The following PKDREJ variants were observed in gnomAD, a reference collection of about 807,000 sequenced individuals.
The protein encoded by PKDREJ is polycystin family receptor for egg jelly, also known as PKD and REJ homolog.
For missense variants in PKDREJ, 2,507 were observed against 2,807.2 expected, an observed-to-expected ratio of 0.89 and a Z score of 2.42; for synonymous variants, 1,031 against 1,095.5, an observed-to-expected ratio of 0.94 and a Z score of 1.16.
chr22:46,259,023 C>T lies in PKDREJ; in HGVS notation c.4300G>A (p.Val1434Ile), dbSNP rs1057355240. ...AATTGCACAGGGATTGTAATTAAGA[C>T]ACTTTCAATTCCTATCATCATTGAT... Reference protein sequence around the residue: ...MRSMMIGIESVLITIPVQLLI... With the variant: ...MRSMMIGIESILITIPVQLLI... The change falls in exon 1 of 1, where the codon GTC becomes ATC. Residue 1434 changes from valine (V) to isoleucine (I), a missense_variant. Physicochemically the swap from Val to Ile is conservative, Grantham distance 29. Transcript: ENST00000253255. This position sits in a 1 kb window ranked among gnomAD's most constrained non-coding sequence, Gnocchi z 6.8. The T allele has an allele frequency of 1.2e-6, 2 of 1,613,978 alleles. No individual in the cohort carries two copies. Among genetic ancestry groups the T allele is most frequent in the Non-Finnish European group, 1.7e-6 (2 of 1,179,916 alleles).
At position 46,259,164 on chromosome 22, in the gene PKDREJ, G is replaced by A; in HGVS notation, c.4159C>T (p.Leu1387Phe). ...GCTAAACAACAGGACAATCTCTGGA[G>A]CCTATTGAATGTTTTAGCAACAACA... is the stretch of plus-strand genomic sequence containing the variant. The part of the protein sequence containing the change: ...ASVVAKTFNR[L>F]QRLSCCLAML... The change falls in exon 1 of 1, where the codon CTC becomes TTC. Residue 1387 changes from leucine (L) to phenylalanine (F), a missense_variant. By Grantham distance (22) the Leu-to-Phe change is conservative. Transcript: ENST00000253255. This position sits in a 1 kb window ranked among gnomAD's most constrained non-coding sequence, Gnocchi z 6.8. The A allele has an allele frequency of 6.2e-7, 1 of 1,613,992 alleles. No homozygotes were observed. The highest frequency in any genetic ancestry group is 8.5e-7 in the Non-Finnish European group (1 of 1,179,920).
In PKDREJ at chr22:46,256,441, G is replaced by A. The variant is rs751950759; in HGVS notation, c.*120C>T. Reference sequence around the variant, plus strand: ...GGATTCTTCCAAATGTAGGGGATGTGCCTTGTGAAGGACATGAGTAGAAAG... The same window carrying A: ...GGATTCTTCCAAATGTAGGGGATGTACCTTGTGAAGGACATGAGTAGAAAG... On this transcript the variant is annotated 3_prime_UTR_variant, in exon 1 of 1. Coordinates refer to ENST00000253255, the MANE Select transcript of PKDREJ (RefSeq NM_006071.2). The surrounding 1 kb of genome is among the most constrained non-coding windows in gnomAD (Gnocchi z 5.3). 9 of 1,479,556 alleles carry A rather than the reference G, an allele frequency of 6.1e-6. No individual in the cohort carries two copies. The East Asian group carries it at 1.8e-4, about 30-fold the overall frequency. The allele number at this position is 1,479,556 out of a possible 1,614,324, so 91.7% of individuals were successfully genotyped here.
chr22:46,260,960 A>G lies in PKDREJ; in HGVS notation c.2363T>C (p.Leu788Pro). ...TMRVWQANQA[L>P]QEYQQKDKRF... ...TTTATCTTTTTGCTGATACTCTTGT[A>G]GGGCTTGATTTGCTTGCCATACCCT... The change falls in exon 1 of 1, where the codon CTA becomes CCA. Residue 788 changes from leucine (L) to proline (P), a missense_variant. By Grantham distance (98) the Leu-to-Pro change is moderately conservative. Transcript: ENST00000253255. The surrounding 1 kb of genome is among the most constrained non-coding windows in gnomAD (Gnocchi z 4.5). The G allele has an allele frequency of 6.2e-7, 1 of 1,614,206 alleles. No individual in the cohort carries two copies.
Position 46,258,837 on chromosome 22 carries a change from C to T in PKDREJ, c.4486G>A (p.Glu1496Lys). Reference protein sequence around the residue: ...AYETAKVHPREVAKPASKGKP... With the variant: ...AYETAKVHPRKVAKPASKGKP... ...CCTTTAGATGCAGGTTTTGCAACCT[C>T]CCTGGGGTGCACCTTAGCAGTTTCG... The change falls in exon 1 of 1, where the codon GAG (glutamate) becomes AAG (lysine). Residue 1496 changes from glutamate to lysine, a missense_variant. Coordinates refer to ENST00000253255, the MANE Select transcript of PKDREJ (RefSeq NM_006071.2). The surrounding 1 kb of genome is among the most constrained non-coding windows in gnomAD (Gnocchi z 6.1). 6.2e-7 allele frequency: 1 copy of T among 1,614,126 alleles called. No individual in the cohort carries two copies. The highest frequency in any genetic ancestry group is 8.5e-7 in the Non-Finnish European group (1 of 1,179,986).
Position 46,259,928 on chromosome 22 carries a change from C to A in PKDREJ, c.3395G>T (p.Cys1132Phe), listed in dbSNP as rs1466936298. ...GEKTSWYEVH[C>F]ICKNVVRARR... Reference sequence around the variant, plus strand: ...AGCCCTTACTACATTCTTGCAGATGCAGTGCACCTCATACCAGCTGGTCTT... The same window carrying A: ...AGCCCTTACTACATTCTTGCAGATGAAGTGCACCTCATACCAGCTGGTCTT... The change falls in exon 1 of 1, where the codon TGC becomes TTC. Residue 1132 changes from cysteine (C) to phenylalanine (F), a missense_variant. Cys to Phe is a radical substitution (Grantham distance 205). Transcript: ENST00000253255. This position sits in a 1 kb window ranked among gnomAD's most constrained non-coding sequence, Gnocchi z 6.8. 1.2e-6 allele frequency: 2 copies of A among 1,613,968 alleles called. No homozygotes were observed. The highest frequency in any genetic ancestry group is 1.7e-5 in the Admixed American group (1 of 60,014).
Position 46,259,728 on chromosome 22 carries a change from C to CCA in PKDREJ, c.3593_3594dup (p.Gly1199TrpfsTer3). 5 of 1,614,068 alleles carry CCA rather than the reference C, an allele frequency of 3.1e-6. No individual in the cohort carries two copies. Among genetic ancestry groups the CCA allele is most frequent in the Non-Finnish European group, 4.2e-6 (5 of 1,180,030 alleles). On this transcript the variant is annotated frameshift_variant, in exon 1 of 1. Coordinates refer to ENST00000253255, the MANE Select transcript of PKDREJ (RefSeq NM_006071.2). LOFTEE classifies it low-confidence loss of function (END_TRUNC). This position sits in a 1 kb window ranked among gnomAD's most constrained non-coding sequence, Gnocchi z 6.8. ...CTGTATAAAGCCCAAAAAGCTAGGC[C>CCA]CACGTATAAGAGAATAATGAAAAGC...
Position 46,256,852 on chromosome 22 carries a change from C to A in PKDREJ, c.6471G>T (p.Leu2157=). Residue 2157 remains leucine (L), a synonymous_variant, in exon 1 of 1, where the codon CTG becomes CTT. Transcript: ENST00000253255. This position sits in a 1 kb window ranked among gnomAD's most constrained non-coding sequence, Gnocchi z 5.3. ...AGTTGATCAAGACGCAGATCATCAC[C>A]AGCATGAAAGATGAGAGGAACAGGA... ...LGVLFLSSFM[L]VMICVLINLF... 1 of 1,614,014 alleles carries A rather than the reference C, an allele frequency of 6.2e-7. No homozygotes were observed. The highest frequency in any genetic ancestry group is 2.2e-5 in the East Asian group (1 of 44,892).
At position 46,262,970 on chromosome 22, in the gene PKDREJ, GA is replaced by G; in HGVS notation, c.352del (p.Ser118ProfsTer9). 1 of 1,167,816 alleles carries G rather than the reference GA, an allele frequency of 8.6e-7. No homozygotes were observed. Among genetic ancestry groups the G allele is most frequent in the Non-Finnish European group, 1.1e-6 (1 of 950,034 alleles). 72.3% of individuals were successfully genotyped at this position (1,167,816 alleles called of 1,614,324 possible). A position where few individuals can be genotyped will look rare whatever the true frequency, so the allele number is the denominator to read the frequency against. On this transcript the variant is annotated frameshift_variant, in exon 1 of 1. Transcript: ENST00000253255. LOFTEE classifies it low-confidence loss of function (END_TRUNC). This position sits in a 1 kb window ranked among gnomAD's most constrained non-coding sequence, Gnocchi z 8.1. ...PALALVDLQL[S>X]ARGGRLSLTW... ...CAGGGAGAGGCGGCCGCCGCGCGCGGAGAGCTGCAGGTCGACGAGCGCGAGC... is the reference window on the plus strand; with the variant it reads ...CAGGGAGAGGCGGCCGCCGCGCGCGGGAGCTGCAGGTCGACGAGCGCGAGC...
Position 46,262,688 on chromosome 22 carries a change from A to G in PKDREJ, c.635T>C (p.Ile212Thr). The G allele has an allele frequency of 6.2e-7, 1 of 1,613,124 alleles. No individual in the cohort carries two copies. Among genetic ancestry groups the G allele is most frequent in the Non-Finnish European group, 8.5e-7 (1 of 1,179,762 alleles). The change falls in exon 1 of 1, where the codon ATA (isoleucine) becomes ACA (threonine). Residue 212 changes from isoleucine to threonine, a missense_variant. Coordinates refer to ENST00000253255, the MANE Select transcript of PKDREJ (RefSeq NM_006071.2). This position sits in a 1 kb window ranked among gnomAD's most constrained non-coding sequence, Gnocchi z 8.1. The stretch of plus-strand genomic sequence containing the variant: ...CACGCGCTGGATGACGCAGGCGTTT[A>G]TCTGACAGGACACGGACGACTCGAC... Reference protein sequence around the residue: ...RAVESSVSCQINACVIQRVRI... With the variant: ...RAVESSVSCQTNACVIQRVRI...
In PKDREJ at chr22:46,262,418, A is replaced by G. The variant is rs751333330; in HGVS notation, c.905T>C (p.Val302Ala). 99 of 1,612,020 alleles carry G rather than the reference A, an allele frequency of 6.1e-5. No homozygotes were observed. The South Asian group carries it at 1.0e-3, about 17-fold the overall frequency. The change falls in exon 1 of 1, where the codon GTG becomes GCG. Residue 302 changes from valine to alanine, a missense_variant. Physicochemically the swap from Val to Ala is moderately conservative, Grantham distance 64 (BLOSUM62 0). Transcript: ENST00000253255. This position sits in a 1 kb window ranked among gnomAD's most constrained non-coding sequence, Gnocchi z 8.1. ...GGACACCGTGAAATTAAACACATAC[A>G]CTCCCCACTGTAACGAATTATTGGG... Reference protein sequence around the residue: ...HIPNNSLQWGVYVFNFTVSIT... With the variant: ...HIPNNSLQWGAYVFNFTVSIT...
In PKDREJ at chr22:46,256,623, G is replaced by A. The variant is rs1046646427; in HGVS notation, c.6700C>T (p.Arg2234Cys). The change falls in exon 1 of 1, where the codon CGT (arginine) becomes TGT (cysteine). Residue 2234 changes from arginine to cysteine, a missense_variant. By Grantham distance (180) the Arg-to-Cys change is radical. Coordinates refer to ENST00000253255, the MANE Select transcript of PKDREJ (RefSeq NM_006071.2). The surrounding 1 kb of genome is among the most constrained non-coding windows in gnomAD (Gnocchi z 5.3). ...TTTCTGGTCTTCAGCCCCAGATAAC[G>A]GTGGCTGTTCTTCTCTGGCTGCCCA... ...LYGQPEKNSH[R>C]YLGLKTRNIN... is the part of the protein sequence containing the mutation. The A allele has an allele frequency of 5.6e-6, 9 of 1,613,980 alleles. No individual in the cohort carries two copies. The highest frequency in any genetic ancestry group is 3.3e-5 in the Admixed American group (2 of 59,984).
Position 46,262,726 on chromosome 22 carries a change from G to A in PKDREJ, c.597C>T (p.Ser199=). The change falls in exon 1 of 1, where the codon TCC becomes TCT. Residue 199 remains serine, a synonymous_variant. Transcript: ENST00000253255. The surrounding 1 kb of genome is among the most constrained non-coding windows in gnomAD (Gnocchi z 8.1). The part of the protein sequence containing the change: ...ARVMLQAVNS[S]SHRAVESSVS... ...CGGACGACTCGACGGCTCTGTGGCT[G>A]GACGAGTTGACGGCCTGCAACATCA... 4 of 1,609,834 alleles carry A rather than the reference G, an allele frequency of 2.5e-6. No homozygotes were observed.
In PKDREJ at chr22:46,256,369, A is replaced by T; in HGVS notation, c.*192T>A. ...ATCCTGCTGTCTCCCCAGATGCTAC[A>T]CTACACTCCCAACTTTTACACTCCC... On this transcript the variant is annotated 3_prime_UTR_variant, in exon 1 of 1. Transcript: ENST00000253255. This position sits in a 1 kb window ranked among gnomAD's most constrained non-coding sequence, Gnocchi z 5.3. 1.1e-6 allele frequency: 1 copy of T among 907,114 alleles called. No individual in the cohort carries two copies. The highest frequency in any genetic ancestry group is 1.6e-6 in the Non-Finnish European group (1 of 618,054). 56.2% of individuals were successfully genotyped at this position (907,114 alleles called of 1,614,324 possible).
In PKDREJ at chr22:46,257,398, GA is replaced by G; in HGVS notation, c.5924del (p.Phe1975SerfsTer2). The G allele has an allele frequency of 1.2e-6, 2 of 1,613,744 alleles. No individual in the cohort carries two copies. Among genetic ancestry groups the G allele is most frequent in the Non-Finnish European group, 8.5e-7 (1 of 1,179,960 alleles). ...AACCCTCATCAACAACGTAGGCTAA[GA>G]AAAAAATGAGAATGGCCACATACAA... Reference protein sequence around the residue: ...IYLYVAILIFFLAYVVDEGCI... With the variant: ...IYLYVAILIFXLAYVVDEGCI... On this transcript the variant is annotated frameshift_variant, in exon 1 of 1. Coordinates refer to ENST00000253255, the MANE Select transcript of PKDREJ (RefSeq NM_006071.2). LOFTEE classifies it low-confidence loss of function (END_TRUNC). The surrounding 1 kb of genome is among the most constrained non-coding windows in gnomAD (Gnocchi z 4.7).
chr22:46,260,407 G>A lies in PKDREJ; in HGVS notation c.2916C>T (p.Ser972=), dbSNP rs56301018. 4.9e-3 allele frequency: 7,970 copies of A among 1,614,132 alleles called. 39 individuals are homozygous for A. The highest frequency in any genetic ancestry group is 7.8e-3 in the Admixed American group (467 of 60,018). The change falls in exon 1 of 1, where the codon AGC becomes AGT. Residue 972 remains serine (S), a synonymous_variant. Transcript: ENST00000253255. This position sits in a 1 kb window ranked among gnomAD's most constrained non-coding sequence, Gnocchi z 4.5. ...AAFNLTVGPN[S]EVDGSLKKTT... is the part of the protein sequence containing the mutation. ...TCTTCTTCAAGGACCCATCAACCTCGCTGTTGGGTCCCACTGTGAGATTAA... is the reference window on the plus strand; with the variant it reads ...TCTTCTTCAAGGACCCATCAACCTCACTGTTGGGTCCCACTGTGAGATTAA...
In PKDREJ at chr22:46,257,230, CAAGT is replaced by C; in HGVS notation, c.6089_6092del (p.Tyr2030CysfsTer16). 6.2e-7 allele frequency: 1 copy of C among 1,614,056 alleles called. No homozygotes were observed. The highest frequency in any genetic ancestry group is 8.5e-7 in the Non-Finnish European group (1 of 1,180,028). On this transcript the variant is annotated frameshift_variant, in exon 1 of 1. Transcript: ENST00000253255. LOFTEE classifies it low-confidence loss of function (END_TRUNC). The surrounding 1 kb of genome is among the most constrained non-coding windows in gnomAD (Gnocchi z 4.7). ...AGGGAATGAAGTCTTCTGGGTTCGA[CAAGT>C]AAAACCGAATTATGCCAGTGGCCAG...
At position 46,263,118 on chromosome 22, in the gene PKDREJ, C is replaced by A; in HGVS notation, c.205G>T (p.Ala69Ser). ...LRPSAVRAGG[A>S]VLSGRGSLCF... is the part of the protein sequence containing the mutation. Reference sequence around the variant, plus strand: ...AGGCTGCCGCGGCCGCTCAGGACAGCGCCGCCCGCCCGCACCGCGCTGGGC... The same window carrying A: ...AGGCTGCCGCGGCCGCTCAGGACAGAGCCGCCCGCCCGCACCGCGCTGGGC... Residue 69 changes from alanine to serine, a missense_variant, in exon 1 of 1, where the codon GCT (alanine) becomes TCT (serine). Transcript: ENST00000253255. This position sits in a 1 kb window ranked among gnomAD's most constrained non-coding sequence, Gnocchi z 9.4. The A allele has an allele frequency of 8.1e-7, 1 of 1,241,332 alleles. No homozygotes were observed. Among genetic ancestry groups the A allele is most frequent in the South Asian group, 2.4e-5 (1 of 41,168 alleles). The allele number at this position is 1,241,332 out of a possible 1,614,324, so 76.9% of individuals were successfully genotyped here. A position where few individuals can be genotyped will look rare whatever the true frequency, so the allele number is the denominator to read the frequency against.
Position 46,257,772 on chromosome 22 carries a change from C to T in PKDREJ, c.5551G>A (p.Glu1851Lys), listed in dbSNP as rs201984857. 2.8e-5 allele frequency: 45 copies of T among 1,614,166 alleles called. 1 individual carries two copies. The African/African-American group carries it at 4.1e-4, about 15-fold the overall frequency. ...WNEVDKQAID[E>K]STNGFTYKPQ... is the part of the protein sequence containing the mutation. ...TTATAAGTAAATCCATTGGTACTCT[C>T]ATCTATAGCCTGCTTATCAACTTCA... Residue 1851 changes from glutamate to lysine, a missense_variant, in exon 1 of 1, where the codon GAG (glutamate) becomes AAG (lysine). By Grantham distance (56) the Glu-to-Lys change is moderately conservative. Transcript: ENST00000253255. This position sits in a 1 kb window ranked among gnomAD's most constrained non-coding sequence, Gnocchi z 4.7.
Position 46,257,302 on chromosome 22 carries a change from G to T in PKDREJ, c.6021C>A (p.Cys2007Ter), listed in dbSNP as rs779196438. 1.9e-6 allele frequency: 3 copies of T among 1,613,986 alleles called. No homozygotes were observed. In the Admixed American group the frequency reaches 5.0e-5, roughly 27 times the overall value. The change falls in exon 1 of 1, where the codon TGC becomes TGA. Residue 2007 changes from cysteine (C) to a stop codon, truncating the protein, a stop_gained. Transcript: ENST00000253255. LOFTEE classifies it low-confidence loss of function (END_TRUNC). This position sits in a 1 kb window ranked among gnomAD's most constrained non-coding sequence, Gnocchi z 4.7. ...AGAGCACAATCAACACAGTAAATAT[G>T]CACTTTAAAGCAAAGTTGAGCAAAT... The part of the protein sequence containing the change: ...VYNLLNFALK[C>*]IFTVLIVLFL...
Sources: allele counts gnomAD v4.1 joint callset, GRCh38; gene constraint gnomAD v4.1.1; non-coding constraint Gnocchi (gnomAD v3.1); transcripts MANE v1.5; gene names NCBI Gene and HGNC (gene_info 2026-07-23, HGNC 2026-07-21).